Variants in CPEB3 observed in about 807,000 individuals in gnomAD.
CPEB3 encodes cytoplasmic polyadenylation element-binding protein 3.
In CPEB3, 20 loss-of-function variants were observed where a neutral mutation model predicts 67.2. That is an observed-to-expected ratio of 0.30 (90% CI 0.21 to 0.43). CPEB3 has a LOEUF of 0.43. CPEB3 is among the 20% of genes least tolerant of loss of function. CPEB3 has a pLI of 1.00. For missense variants in CPEB3, 746 were observed against 968.6 expected (o/e 0.77, Z 3.05); for synonymous variants, 376 against 393.1 (o/e 0.96, Z 0.51).
In CPEB3 at chr10:92,147,363, G is replaced by A. The variant is rs191313622; in HGVS notation, c.1223-2278C>T. ...TCCAGCTACTGGGGAAGCTGAGGTG[G>A]GAGGATCGCTTGAGTCCAGGAGGTA... On this transcript the variant is annotated intron_variant, in intron 4 of 9. Transcript: ENST00000265997. 2.6e-5 allele frequency among the ~76,000 whole-genome samples: 4 copies of A among 152,220 alleles called. No homozygotes were observed. The East Asian group carries it at 7.7e-4, about 29-fold the overall frequency.
In CPEB3 at chr10:92,050,193, C is replaced by T. The variant is rs1169811363; in HGVS notation, c.*2019G>A. ...ATAGAAAAAAACAAACAAAACCACA[C>T]CTGGGCTGGAAAAAAGCAATTATTA... On this transcript the variant is annotated 3_prime_UTR_variant, in exon 10 of 10. Transcript: ENST00000265997. The T allele has an allele frequency of 4.6e-5, 7 of 152,110 alleles. No homozygotes were observed. The highest frequency in any genetic ancestry group is 1.5e-4 in the African/African-American group (6 of 41,324). 9.4% of individuals were successfully genotyped at this position (152,110 alleles called of 1,614,324 possible).
chr10:92,287,783 T>G (rs534699597), intron 1 of CPEB3, among the ~76,000 whole-genome samples: 3 of 152,330 alleles, frequency 2.0e-5, no homozygotes, highest in African/African-American at 7.2e-5. Context: ...ATTTGTGATA[T>G]AATTCACAAA....
At chr10:92,219,583 C>G (rs762236553) in intron 2 of CPEB3, among the ~76,000 whole-genome samples, 1 of 152,138 alleles carries the variant, frequency 6.6e-6, no homozygotes, top group Non-Finnish European at 1.5e-5. Context: ...TCACATATAA[C>G]GAATCTCAGC....
At chr10:92,153,111 G>A (rs925930643) in intron 4 of CPEB3, among the ~76,000 whole-genome samples, 47 of 152,242 alleles carry the variant, frequency 3.1e-4, no homozygotes, top group African/African-American at 1.1e-3. Flanking sequence ...AAAATTCTCC[G>A]ATTCACGTCC....
chr10:92,280,753 CTTTTTT>C (rs948586177), intron 1 of CPEB3, among the ~76,000 whole-genome samples: 1 of 91,668 alleles, frequency 1.1e-5, no homozygotes, highest in African/African-American at 5.0e-5. Context: ...AGCATCTATT[CTTTTTT>C]TTTTTTTTTT....
chr10:92,145,376 C>T (rs917622866), intron 4 of CPEB3, among the ~76,000 whole-genome samples: 3 of 152,144 alleles, frequency 2.0e-5, no homozygotes, highest in Admixed American at 6.5e-5. Flanking sequence ...TGCCTGTAAT[C>T]CCAGCACTTT....
chr10:92,121,192 T>C (rs942538934), intron 6 of CPEB3, among the ~76,000 whole-genome samples: 8 of 151,010 alleles, frequency 5.3e-5, no homozygotes, highest in African/African-American at 1.9e-4. Flanking sequence ...GTATTTTTAG[T>C]AGAGACGAGG....
chr10:92,121,480 T>G (rs568427691), intron 6 of CPEB3, among the ~76,000 whole-genome samples: 17 of 150,912 alleles, frequency 1.1e-4, no homozygotes, highest in African/African-American at 4.1e-4. Context: ...GAAAGCTATA[T>G]AGGTGTTCAC....
At chr10:92,137,485 C>T (rs1464064365) in intron 6 of CPEB3, 72 of 1,155,748 alleles carry the variant, frequency 6.2e-5, no homozygotes, top group Non-Finnish European at 1.4e-5. Context: ...GGTGGTTTTG[C>T]TATCAGCCAC....
intron 1 of CPEB3, among the ~76,000 whole-genome samples, chr10:92,250,868 T>TTTA (rs1852268525): frequency 6.9e-6 from 1 of 145,038 alleles, no homozygotes; most frequent in Non-Finnish European, 1.5e-5. Flanking sequence ...ATTTTTTTTT[T>TTTA]TTTTTTTTTT....
In CPEB3 at chr10:92,239,288, G is replaced by A; in HGVS notation, c.1005+58C>T. 6.5e-7 allele frequency: 1 copy of A among 1,543,370 alleles called. No homozygotes were observed. Among genetic ancestry groups the A allele is most frequent in the East Asian group, 2.3e-5 (1 of 42,706 alleles). ...AGCGGGTGGATGATTAAAAGTCAGA[G>A]AAGTGGCAAAAGGAGCGGGGCAGAG... On this transcript the variant is annotated intron_variant, in intron 2 of 9. Coordinates refer to ENST00000265997, the MANE Select transcript of CPEB3 (RefSeq NM_014912.5). This position sits in a 1 kb window ranked among gnomAD's most constrained non-coding sequence, Gnocchi z 6.0.
At chr10:92,115,734 G>A (rs3905209) in intron 6 of CPEB3, among the ~76,000 whole-genome samples, 43 of 152,092 alleles carry the variant, frequency 2.8e-4, no homozygotes, top group Admixed American at 2.3e-3. Flanking sequence ...TGATTGTTGC[G>A]TAATTTATAC....
chr10:92,291,200 C>CCCT (rs1397610118), upstream of CPEB3: 1 of 510,910 alleles, frequency 2.0e-6, no homozygotes, highest in East Asian at 3.7e-5. Context: ...CCGGCAGCAA[C>CCCT]TCGGCGCCCG....
intron 6 of CPEB3, chr10:92,118,697 C>T (rs1564794430): frequency 5.6e-6 from 4 of 708,558 alleles, no homozygotes; most frequent in East Asian, 2.7e-5. Flanking sequence ...ACATTGCCTC[C>T]GAGCCCACTT....
chr10:92,218,901 A>G (rs1246170193), intron 2 of CPEB3, among the ~76,000 whole-genome samples: 1 of 151,870 alleles, frequency 6.6e-6, no homozygotes, highest in Admixed American at 6.6e-5. Flanking sequence ...TGCAGCCTCG[A>G]CTTCCTAAGG....
chr10:92,133,552 C>A (rs1398539456), intron 6 of CPEB3, among the ~76,000 whole-genome samples: 1 of 152,100 alleles, frequency 6.6e-6, no homozygotes, highest in East Asian at 1.9e-4. Flanking sequence ...AAGTCCAGGA[C>A]CAGATGGATT....
chr10:92,176,512 C>A (rs1043081977), intron 4 of CPEB3, among the ~76,000 whole-genome samples: 1 of 152,236 alleles, frequency 6.6e-6, no homozygotes, highest in South Asian at 2.1e-4. Context: ...TGCCTTCCAG[C>A]CTGCTTCAAA....
intron 6 of CPEB3, among the ~76,000 whole-genome samples, chr10:92,121,145 A>T (rs1845354285): frequency 6.6e-6 from 1 of 151,726 alleles, no homozygotes; most frequent in East Asian, 1.9e-4. Flanking sequence ...ATTAGCTGGG[A>T]CTACAGGCAC....
In CPEB3 at chr10:92,161,375, G is replaced by A. The variant is rs534310897; in HGVS notation, c.1223-16290C>T. Among the ~76,000 whole-genome samples the A allele has an allele frequency of 7.3e-5, 11 of 151,510 alleles. 1 individual carries two copies. The highest frequency in any genetic ancestry group is 2.4e-4 in the African/African-American group (10 of 41,314). ...CAACCTCTGCCTCCTGGATTCAACC[G>A]ATTCTCCTGCCTCAGCCCCTTGACT... On this transcript the variant is annotated intron_variant, in intron 4 of 9. Coordinates refer to ENST00000265997, the MANE Select transcript of CPEB3 (RefSeq NM_014912.5).
Sources: gnomAD v4.1 joint callset for allele counts (sites outside exome capture counted in the v4.1 genomes callset) on GRCh38, gnomAD v4.1.1 for gene constraint, Gnocchi (gnomAD v3.1) non-coding constraint, MANE v1.5 for transcripts, NCBI Gene and HGNC (gene_info 2026-07-23, HGNC 2026-07-21) for gene names.